The following PADI2 variants were observed in gnomAD, a reference collection of about 807,000 sequenced individuals.
The protein encoded by PADI2 is peptidyl arginine deiminase 2, also known as protein-arginine deiminase type-2.
In PADI2, 70 loss-of-function variants were observed where a neutral mutation model predicts 81.1. The observed-to-expected ratio is 0.86, with a 90% CI of 0.71 to 1.05. The LOEUF is 1.05. Among genes scored for constraint, PADI2 ranks in the 50% least tolerant of loss-of-function variants. PADI2 has a pLI of 0.00. For missense variants in PADI2, 853 were observed against 889.9 expected, an observed-to-expected ratio of 0.96 and a Z score of 0.53; for synonymous variants, 338 against 358.0, an observed-to-expected ratio of 0.94 and a Z score of 0.63.
rs772779928 is a variant in PADI2 at position 17,105,066 on chromosome 1, G to C, written c.93-5C>G. 2 of 1,554,836 alleles carry C rather than the reference G, an allele frequency of 1.3e-6. No individual in the cohort carries two copies. Among genetic ancestry groups the C allele is most frequent in the East Asian group, 4.6e-5 (2 of 43,042 alleles). On this transcript the variant is annotated splice_region_variant and splice_polypyrimidine_tract_variant and intron_variant, in intron 1 of 15. Transcript: ENST00000375486. ...TGGGCCCCGGCTGGGGCCGCGCTGT[G>C]GGGAGAGATGAGAGAGGGTTAGGGA...
chr1:17,086,798 C>A, intron 6 of PADI2, 99 bp from the exon 7 acceptor site: 1 of 965,454 alleles, frequency 1.0e-6, no homozygotes, highest in East Asian at 2.5e-5. Flanking sequence ...GTAACTTGTC[C>A]TCTAGACAGA....
chr1:17,108,243 C>T (rs905132839), intron 1 of PADI2, among the ~76,000 whole-genome samples: 1 of 152,166 alleles, frequency 6.6e-6, no homozygotes, highest in African/African-American at 2.4e-5. Context: ...GCCACCGTGC[C>T]TGGCCACATC....
At chr1:17,071,639 C>T (rs2078265349) in intron 13 of PADI2, 148 bp from the exon 14 acceptor site, 1 of 640,410 alleles carries the variant, frequency 1.6e-6, no homozygotes, top group East Asian at 2.8e-5. Context: ...CAGGAGGGCA[C>T]TCCCAGGCAA....
At chr1:17,113,968 G>A (rs1931672717) in intron 1 of PADI2, among the ~76,000 whole-genome samples, 1 of 152,232 alleles carries the variant, frequency 6.6e-6, no homozygotes, top group Non-Finnish European at 1.5e-5. Context: ...CAGGGACTGT[G>A]AGCCTGGTTC....
rs878954809 is a variant in PADI2, at chr1:17,086,512, A to C, written c.834+9T>G. The C allele has an allele frequency of 6.2e-6, 10 of 1,609,522 alleles. No homozygotes were observed. The highest frequency in any genetic ancestry group is 8.5e-6 in the Non-Finnish European group (10 of 1,177,812). The stretch of plus-strand genomic sequence containing the variant: ...TTAGCCCCCTGTGGTGGAGGCCTGG[A>C]GCCCTCACCTGGGCCATGTACTCCA... On this transcript the variant is annotated intron_variant, in intron 7 of 15. Coordinates refer to ENST00000375486, the MANE Select transcript of PADI2 (RefSeq NM_007365.3).
Position 17,071,440 on chromosome 1 carries a change from T to C in PADI2, c.1601A>G (p.Asn534Ser). Residue 534 changes from asparagine (N) to serine (S), a missense_variant, in exon 14 of 16, where the codon AAC becomes AGC. Coordinates refer to ENST00000375486, the MANE Select transcript of PADI2 (RefSeq NM_007365.3). ...CAGGTTCTCCTGCACAAGGCTCTCG[T>C]TGGACAGAATCTTGTTGATGGTGAT... The part of the protein sequence containing the change: ...KRITINKILS[N>S]ESLVQENLYF... The C allele has an allele frequency of 1.2e-6, 2 of 1,614,036 alleles. No individual in the cohort carries two copies. The highest frequency in any genetic ancestry group is 1.7e-6 in the Non-Finnish European group (2 of 1,179,894).
intron 3 of PADI2, among the ~76,000 whole-genome samples, 192 bp from the exon 4 acceptor site, chr1:17,096,162 C>T (rs1371725204): frequency 6.6e-6 from 1 of 152,230 alleles, no homozygotes; most frequent in Non-Finnish European, 1.5e-5. Flanking sequence ...CGTCAGCAGA[C>T]ACCGTGTGGA....
At chr1:17,095,364 G>T (rs1350436460) in intron 4 of PADI2, among the ~76,000 whole-genome samples, 1 of 152,164 alleles carries the variant, frequency 6.6e-6, no homozygotes, top group Non-Finnish European at 1.5e-5. Context: ...CCAGCAAAAT[G>T]GTCCTCTGTG....
rs1205918913 is a variant in PADI2, at chr1:17,115,657, GCT to G, written c.92+3621_92+3622del. 6.6e-6 allele frequency among the ~76,000 whole-genome samples: 1 copy of G among 152,112 alleles called. No homozygotes were observed. The highest frequency in any genetic ancestry group is 1.5e-5 in the Non-Finnish European group (1 of 68,026). ...GAACCAACCTAGGGACTCCCTCTGT[GCT>G]CTCTTTCCAACTTCAAGCCCAAATC... On this transcript the variant is annotated intron_variant, in intron 1 of 15. Coordinates refer to ENST00000375486, the MANE Select transcript of PADI2 (RefSeq NM_007365.3). This position sits in a 1 kb window ranked among gnomAD's most constrained non-coding sequence, Gnocchi z 4.1.
chr1:17,068,986 T>G lies in PADI2; in HGVS notation c.*58A>C. 1.9e-5 allele frequency: 24 copies of G among 1,270,336 alleles called. No individual in the cohort carries two copies. The highest frequency in any genetic ancestry group is 2.8e-5 in the Non-Finnish European group (24 of 867,536). The allele number at this position is 1,270,336 out of a possible 1,614,324, so 78.7% of individuals were successfully genotyped here. On this transcript the variant is annotated 3_prime_UTR_variant, in exon 16 of 16. Coordinates refer to ENST00000375486, the MANE Select transcript of PADI2 (RefSeq NM_007365.3). ...CCATGTCAGCAGAAGGCTCTGGGCG[T>G]GTGAGGGAGGGTCTGGAGAACTAAG...
In PADI2 at chr1:17,093,610, C is replaced by T; in HGVS notation, c.486G>A (p.Leu162=). The change falls in exon 5 of 16, where the codon TTG becomes TTA. Residue 162 remains leucine, a synonymous_variant. Transcript: ENST00000375486. ...LVNCDRETPW[L]PKEDCRDEKV... ...TCTCATCACGGCAGTCCTCCTTGGGCAACCAGGGTGTCTCTCGGTCACAGT... is the reference window on the plus strand; with the variant it reads ...TCTCATCACGGCAGTCCTCCTTGGGTAACCAGGGTGTCTCTCGGTCACAGT... 6.2e-7 allele frequency: 1 copy of T among 1,614,066 alleles called. No individual in the cohort carries two copies. Among genetic ancestry groups the T allele is most frequent in the South Asian group, 1.1e-5 (1 of 91,060 alleles).
At chr1:17,116,931 C>G (rs1038207403) in intron 1 of PADI2, among the ~76,000 whole-genome samples, 11 of 152,210 alleles carry the variant, frequency 7.2e-5, no homozygotes, top group African/African-American at 2.7e-4. Flanking sequence ...AGGCTTCCTT[C>G]CACTGGACCA....
rs916788322 is a variant in PADI2 at position 17,113,639 on chromosome 1, G to A, written c.92+5641C>T. 2.6e-5 allele frequency among the ~76,000 whole-genome samples: 4 copies of A among 152,196 alleles called. No individual in the cohort carries two copies. In the South Asian group the frequency reaches 6.2e-4, roughly 24 times the overall value. ...GAGGATCAGGCCTGGCTCTGAAGAG[G>A]ACCAAATGAGAGCCCCTTACTTATT... On this transcript the variant is annotated intron_variant, in intron 1 of 15. Transcript: ENST00000375486.
Position 17,075,927 on chromosome 1 carries a change from C to T in PADI2, c.1311-104G>A, listed in dbSNP as rs1006271274. On this transcript the variant is annotated intron_variant, in intron 11 of 15. Transcript: ENST00000375486. Reference sequence around the variant, plus strand: ...ACCCACCTCGGACCCAGAGTGACATCAGCAGAGAAGTCCCAGGAAGGAGAC... The same window carrying T: ...ACCCACCTCGGACCCAGAGTGACATTAGCAGAGAAGTCCCAGGAAGGAGAC... The T allele has an allele frequency of 4.8e-6, 5 of 1,034,390 alleles. No individual in the cohort carries two copies. The Admixed American group carries it at 8.4e-5, about 17-fold the overall frequency. 64.1% of individuals were successfully genotyped at this position (1,034,390 alleles called of 1,614,324 possible).
intron 14 of PADI2, 38 bp from the exon 15 acceptor site, chr1:17,070,254 G>C (rs1271616461): frequency 1.2e-6 from 2 of 1,609,548 alleles, no homozygotes; most frequent in African/African-American, 1.3e-5. Context: ...GCAGGTGAGG[G>C]GGACACACAC....
intron 6 of PADI2, among the ~76,000 whole-genome samples, chr1:17,091,053 C>G (rs1254915566): frequency 6.6e-6 from 1 of 151,916 alleles, no homozygotes; most frequent in Non-Finnish European, 1.5e-5. Context: ...CCCCCTGCGG[C>G]AGCGGAGCCA....
At chr1:17,072,718 C>T (rs1370083157) in intron 13 of PADI2, among the ~76,000 whole-genome samples, 1 of 152,208 alleles carries the variant, frequency 6.6e-6, no homozygotes, top group Non-Finnish European at 1.5e-5. Flanking sequence ...CATCAAAGTC[C>T]AGTTTTCTTC....
intron 5 of PADI2, 22 bp downstream of exon 5, chr1:17,093,545 C>G (rs746009655): frequency 2.3e-5 from 33 of 1,458,018 alleles, no homozygotes; most frequent in Non-Finnish European, 3.2e-5. Flanking sequence ...TCCTGCCCCC[C>G]AAGTGCAGGG....
rs1352267664 is a variant in PADI2, at chr1:17,086,599, C to T, written c.756G>A (p.Val252=). 1 of 1,614,116 alleles carries T rather than the reference C, an allele frequency of 6.2e-7. No homozygotes were observed. Among genetic ancestry groups the T allele is most frequent in the Non-Finnish European group, 8.5e-7 (1 of 1,180,002 alleles). ...CCTCGTCGGGGAAACAGAGGCCTTC[C>T]ACGAAGAACAGCAGCTCCGCGGAGC... ...TGGSAELLFF[V]EGLCFPDEGF... is the part of the protein sequence containing the mutation. Residue 252 remains valine (V), a synonymous_variant, in exon 7 of 16, where the codon GTG becomes GTA. Transcript: ENST00000375486.
Sources: allele counts gnomAD v4.1 joint callset (sites outside exome capture counted in the v4.1 genomes callset), GRCh38; gene constraint gnomAD v4.1.1; non-coding constraint Gnocchi (gnomAD v3.1); transcripts MANE v1.5; gene names NCBI Gene and HGNC (gene_info 2026-07-23, HGNC 2026-07-21).